C1QL3: variants seen among roughly 807,000 people sequenced by gnomAD.
C1QL3 encodes the protein complement C1q-like protein 3.
Under a neutral mutation model 16.6 loss-of-function variants are expected in C1QL3, and 4 were observed. The observed-to-expected ratio is 0.24, with a 90% CI of 0.12 to 0.55. C1QL3 has a LOEUF of 0.55. Ranked by LOEUF, C1QL3 falls within the 20% of genes least tolerant of loss-of-function variation. The probability of loss-of-function intolerance (pLI) is 0.94; values close to 1 mark genes in which losing one functional copy is unlikely to be tolerated. For missense variants in C1QL3, 269 were observed against 365.6 expected (o/e 0.74, Z 2.16); for synonymous variants, 189 against 160.2 (o/e 1.18, Z -1.36).
Position 16,514,704 on chromosome 10 carries a change from G to C in C1QL3, c.592C>G (p.Arg198Gly). The C allele has an allele frequency of 6.2e-7, 1 of 1,607,916 alleles. No homozygotes were observed. Among genetic ancestry groups the C allele is most frequent in the Non-Finnish European group, 8.5e-7 (1 of 1,177,346 alleles). The change falls in exon 2 of 2, where the codon CGT becomes GGT. Residue 198 changes from arginine (R) to glycine (G), a missense_variant. Arg to Gly is a moderately radical substitution (Grantham distance 125). Around this residue, in one of 2 missense-constraint regions of C1QL3, gnomAD observed 246 missense variants for 297.2 expected, o/e 0.83. Coordinates refer to ENST00000298943, the MANE Select transcript of C1QL3 (RefSeq NM_001010908.2). ...GCATCTTGGGCAATTGCACTAGCAC[G>C]CACCTATGTGAAACAGACAAGAATT... Reference protein sequence around the residue: ...WADLCKNNQVRASAIAQDADQ... With the variant: ...WADLCKNNQVGASAIAQDADQ...
rs1448578518 is a variant in C1QL3 at position 16,513,836 on chromosome 10, C to G, written c.*692G>C. The G allele has an allele frequency of 6.5e-6, 1 of 152,818 alleles. No homozygotes were observed. The highest frequency in any genetic ancestry group is 1.5e-5 in the Non-Finnish European group (1 of 68,274). 9.5% of individuals were successfully genotyped at this position (152,818 alleles called of 1,614,324 possible). ...ACATTTTCACACTTAGAGGGTAATC[C>G]TATGATACACTGTCAATCTCTATTT... On this transcript the variant is annotated 3_prime_UTR_variant, in exon 2 of 2. Coordinates refer to ENST00000298943, the MANE Select transcript of C1QL3 (RefSeq NM_001010908.2).
At chr10:16,514,945 T>TA (rs1453001221) in intron 1 of C1QL3, among the ~76,000 whole-genome samples, 1 of 152,148 alleles carries the variant, frequency 6.6e-6, no homozygotes, top group Non-Finnish European at 1.5e-5. Flanking sequence ...CTGGCAGTCT[T>TA]ATCTAACTAC....
At position 16,520,090 on chromosome 10, in the gene C1QL3, T is replaced by TC. The variant is rs1302138502; in HGVS notation, c.588+387dup. Among the ~76,000 whole-genome samples, 35 of 151,578 alleles carry TC rather than the reference T, an allele frequency of 2.3e-4. No homozygotes were observed. The highest frequency in any genetic ancestry group is 1.5e-3 in the Admixed American group (23 of 15,242). ...TCCGGACTCCCCCAGGCCTCTCCACTCCCCAGAAAGCCCGTAAGCTACCCT... is the reference window on the plus strand; with the variant it reads ...TCCGGACTCCCCCAGGCCTCTCCACTCCCCCAGAAAGCCCGTAAGCTACCCT... On this transcript the variant is annotated intron_variant, in intron 1 of 1. Coordinates refer to ENST00000298943, the MANE Select transcript of C1QL3 (RefSeq NM_001010908.2). This position sits in a 1 kb window ranked among gnomAD's most constrained non-coding sequence, Gnocchi z 8.3.
Position 16,514,444 on chromosome 10 carries a change from A to C in C1QL3, c.*84T>G. ...ACAACTGAGGTGCCCTGCCATTGGC[A>C]TCCCCTGGGATCCTTGATTCACTGA... On this transcript the variant is annotated 3_prime_UTR_variant, in exon 2 of 2. Transcript: ENST00000298943. 8.4e-7 allele frequency: 1 copy of C among 1,185,694 alleles called. No homozygotes were observed. The highest frequency in any genetic ancestry group is 1.2e-6 in the Non-Finnish European group (1 of 822,198). The allele number at this position is 1,185,694 out of a possible 1,614,324, so 73.4% of individuals were successfully genotyped here.
rs909643231 is a variant in C1QL3 at position 16,521,677 on chromosome 10, CG to C, written c.-613del. The C allele has an allele frequency of 6.6e-6, 1 of 152,424 alleles. No homozygotes were observed. Among genetic ancestry groups the C allele is most frequent in the African/African-American group, 2.4e-5 (1 of 41,402 alleles). 9.4% of individuals were successfully genotyped at this position (152,424 alleles called of 1,614,324 possible). ...GCCACCACCACAACTCGAATAGACG[CG>C]CACCCCAAAGCCCCGCGTGGGCCCG... On this transcript the variant is annotated 5_prime_UTR_variant, in exon 1 of 2. Transcript: ENST00000298943.
rs1837021132 is a variant in C1QL3 at position 16,520,370 on chromosome 10, C to G, written c.588+108G>C. 6 of 881,158 alleles carry G rather than the reference C, an allele frequency of 6.8e-6. No individual in the cohort carries two copies. The Admixed American group carries it at 1.6e-4, about 24-fold the overall frequency. The allele number at this position is 881,158 out of a possible 1,614,324, so 54.6% of individuals were successfully genotyped here. ...CCGTCGCTCCAGGGAGCCCGGCCGCCGCGCCCTTCCTCCGCGGGCTCCCAC... is the reference window on the plus strand; with the variant it reads ...CCGTCGCTCCAGGGAGCCCGGCCGCGGCGCCCTTCCTCCGCGGGCTCCCAC... On this transcript the variant is annotated intron_variant, in intron 1 of 1. Transcript: ENST00000298943. The surrounding 1 kb of genome is among the most constrained non-coding windows in gnomAD (Gnocchi z 8.3).
intron 1 of C1QL3, among the ~76,000 whole-genome samples, chr10:16,515,361 CT>C (rs1377134387): frequency 1.3e-5 from 2 of 151,910 alleles, no homozygotes; most frequent in Non-Finnish European, 2.9e-5. Context: ...TTTCAGAGTT[CT>C]TTTTTCCATC....
chr10:16,521,095 GGC>G lies in C1QL3; in HGVS notation c.-32_-31del. On this transcript the variant is annotated 5_prime_UTR_variant, in exon 1 of 2. Coordinates refer to ENST00000298943, the MANE Select transcript of C1QL3 (RefSeq NM_001010908.2). ...ACCCCCAGCGCCCCGGCGGCGATCA[GGC>G]GCCTCCTGCTGCCCACCAGCCGGCT... 2 of 1,564,304 alleles carry G rather than the reference GGC, an allele frequency of 1.3e-6. No homozygotes were observed. Among genetic ancestry groups the G allele is most frequent in the Non-Finnish European group, 1.7e-6 (2 of 1,158,412 alleles).
chr10:16,514,343 G>A lies in C1QL3; in HGVS notation c.*185C>T, dbSNP rs1007788137. 3.4e-6 allele frequency: 2 copies of A among 593,234 alleles called. No homozygotes were observed. Among genetic ancestry groups the A allele is most frequent in the Non-Finnish European group, 6.0e-6 (2 of 336,074 alleles). The allele number at this position is 593,234 out of a possible 1,614,324, so 36.7% of individuals were successfully genotyped here. A position where few individuals can be genotyped will look rare whatever the true frequency, so the allele number is the denominator to read the frequency against. ...AGTGGATCACACATCTGCTTATCTTGCTTTGATATTTTTTACATAATGTTT... is the reference window on the plus strand; with the variant it reads ...AGTGGATCACACATCTGCTTATCTTACTTTGATATTTTTTACATAATGTTT... On this transcript the variant is annotated 3_prime_UTR_variant, in exon 2 of 2. Transcript: ENST00000298943.
intron 1 of C1QL3, among the ~76,000 whole-genome samples, chr10:16,519,245 G>T (rs1284326979): frequency 6.9e-6 from 1 of 145,376 alleles, no homozygotes; most frequent in African/African-American, 2.6e-5. Context: ...CTGGGTTATA[G>T]CTAAGAATCT....
chr10:16,514,893 G>C, intron 1 of C1QL3, among the ~76,000 whole-genome samples, 186 bp from the exon 2 acceptor site: 1 of 152,170 alleles, frequency 6.6e-6, no homozygotes, highest in East Asian at 1.9e-4. Context: ...TAGTGAGAAG[G>C]AGGACAGAAA....
Position 16,521,121 on chromosome 10 carries a change from C to G in C1QL3, c.-56G>C. On this transcript the variant is annotated 5_prime_UTR_variant, in exon 1 of 2. Transcript: ENST00000298943. ...GCGCCTCCTGCTGCCCACCAGCCGG[C>G]TCAGCGCGGGGCGATCCTCTTGTCT... is the stretch of plus-strand genomic sequence containing the variant. The G allele has an allele frequency of 6.8e-7, 1 of 1,481,336 alleles. No homozygotes were observed. 91.8% of individuals were successfully genotyped at this position (1,481,336 alleles called of 1,614,324 possible).
chr10:16,519,695 G>T (rs1376978529), intron 1 of C1QL3, among the ~76,000 whole-genome samples: 1 of 152,072 alleles, frequency 6.6e-6, no homozygotes, highest in African/African-American at 2.4e-5. Context: ...GGCTGGGCTC[G>T]AACCGGTCGC....
chr10:16,517,796 A>C (rs1340289051), intron 1 of C1QL3, among the ~76,000 whole-genome samples: 2 of 152,184 alleles, frequency 1.3e-5, no homozygotes, highest in East Asian at 3.8e-4. Context: ...TTGTAATTTA[A>C]TTAATTGCTA....
At chr10:16,519,139 A>ATTTTTTTTTTTTTTTTTTTTTTTT (rs1385047282) in intron 1 of C1QL3, among the ~76,000 whole-genome samples, 5 of 26,130 alleles carry the variant, frequency 1.9e-4, no homozygotes, top group Admixed American at 3.1e-4. Context: ...CGCATTTAGG[A>ATTTTTTTTTTTTTTTTTTTTTTTT]CTTTTTTTTT....
chr10:16,518,113 C>T (rs1285583666), intron 1 of C1QL3, among the ~76,000 whole-genome samples: 1 of 152,134 alleles, frequency 6.6e-6, no homozygotes, highest in African/African-American at 2.4e-5. Flanking sequence ...GAGAGGGAAC[C>T]TGCCATTCTA....
chr10:16,520,447 C>A lies in C1QL3; in HGVS notation c.588+31G>T. ...CGCCCGCACCTTCCCGCGCTCCCTC[C>A]CCGCCCTCCCCGCCGCCCGCCCGCG... On this transcript the variant is annotated intron_variant, in intron 1 of 1. Transcript: ENST00000298943. This position sits in a 1 kb window ranked among gnomAD's most constrained non-coding sequence, Gnocchi z 8.3. 8.4e-7 allele frequency: 1 copy of A among 1,193,092 alleles called. No homozygotes were observed. Among genetic ancestry groups the A allele is most frequent in the East Asian group, 2.8e-5 (1 of 35,658 alleles). 73.9% of individuals were successfully genotyped at this position (1,193,092 alleles called of 1,614,324 possible). A position where few individuals can be genotyped will look rare whatever the true frequency, so the allele number is the denominator to read the frequency against.
intron 1 of C1QL3, among the ~76,000 whole-genome samples, chr10:16,516,747 A>T (rs765341958): frequency 6.6e-6 from 1 of 152,182 alleles, no homozygotes; most frequent in Non-Finnish European, 1.5e-5. Flanking sequence ...GAACGTCACC[A>T]TTTTTATTCA....
In C1QL3 at chr10:16,520,346, C is replaced by T. The variant is rs977098841; in HGVS notation, c.588+132G>A. On this transcript the variant is annotated intron_variant, in intron 1 of 1. Coordinates refer to ENST00000298943, the MANE Select transcript of C1QL3 (RefSeq NM_001010908.2). The surrounding 1 kb of genome is among the most constrained non-coding windows in gnomAD (Gnocchi z 8.3). ...AGGGTGGGACGGCGTCCCCCCTTGC[C>T]GTCGCTCCAGGGAGCCCGGCCGCCG... The T allele has an allele frequency of 7.5e-5, 51 of 684,532 alleles. 1 individual carries two copies. In the South Asian group the frequency reaches 8.6e-4, roughly 12 times the overall value. The allele number at this position is 684,532 out of a possible 1,614,324, so 42.4% of individuals were successfully genotyped here. A position where few individuals can be genotyped will look rare whatever the true frequency, so the allele number is the denominator to read the frequency against.
Sources: gnomAD v4.1 joint callset for allele counts (sites outside exome capture counted in the v4.1 genomes callset) on GRCh38, gnomAD v4.1.1 for gene constraint, gnomAD v4.1.1 regional missense constraint, Gnocchi (gnomAD v3.1) non-coding constraint, MANE v1.5 for transcripts, NCBI Gene and HGNC (gene_info 2026-07-23, HGNC 2026-07-21) for gene names.